AKAP6: variants seen among roughly 807,000 people sequenced by gnomAD.
The protein encoded by AKAP6 is A-kinase anchor protein 6.
In AKAP6, 58 loss-of-function variants were observed where a neutral mutation model predicts 188.5. The ratio of observed to expected loss-of-function variants is 0.31; its 90% CI spans 0.25 to 0.38. AKAP6 has a LOEUF of 0.38. Among genes scored for constraint, AKAP6 ranks in the 10% least tolerant of loss-of-function variants. AKAP6 has a pLI of 1.00. For missense variants in AKAP6, 2,710 were observed against 2,740.0 expected (o/e 0.99, Z 0.24); for synonymous variants, 989 against 998.6 (o/e 0.99, Z 0.18).
rs908866835 is a variant in AKAP6, at chr14:32,814,371, G to A, written c.3589-7031G>A. Among the ~76,000 whole-genome samples, 11 of 152,180 alleles carry A rather than the reference G, an allele frequency of 7.2e-5. No homozygotes were observed. The Middle Eastern group carries it at 0.01, about 141-fold the overall frequency. ...CCAAACATTATCATCACTCCAAAAG[G>A]AAACCCCAAGCCTGTAAAGCAGTTG... On this transcript the variant is annotated intron_variant, in intron 12 of 13. Coordinates refer to ENST00000280979, the MANE Select transcript of AKAP6 (RefSeq NM_004274.5).
chr14:32,472,866 T>C (rs1878856057), intron 2 of AKAP6, among the ~76,000 whole-genome samples: 1 of 151,476 alleles, frequency 6.6e-6, no homozygotes, highest in Non-Finnish European at 1.5e-5. Flanking sequence ...GTCGTGAAAA[T>C]AGAATATAAT....
intron 2 of AKAP6, among the ~76,000 whole-genome samples, chr14:32,507,321 C>T (rs1476481058): frequency 1.3e-5 from 2 of 152,198 alleles, no homozygotes; most frequent in East Asian, 3.8e-4. Flanking sequence ...TACAATTCTT[C>T]CCCTCAAAGA....
intron 12 of AKAP6, among the ~76,000 whole-genome samples, chr14:32,815,893 C>A (rs1039048641): frequency 6.6e-6 from 1 of 152,196 alleles, no homozygotes; most frequent in African/African-American, 2.4e-5. Flanking sequence ...AATGATGGAA[C>A]TGAGGCATAT....
intron 2 of AKAP6, among the ~76,000 whole-genome samples, chr14:32,498,801 A>G (rs1880457600): frequency 6.6e-6 from 1 of 152,156 alleles, no homozygotes; most frequent in Non-Finnish European, 1.5e-5. Flanking sequence ...GCCTCACAAG[A>G]TCTCTCAAGG....
intron 7 of AKAP6, among the ~76,000 whole-genome samples, chr14:32,607,772 C>T (rs1180620514): frequency 6.6e-6 from 1 of 152,152 alleles, no homozygotes; most frequent in Non-Finnish European, 1.5e-5. Context: ...ATCAATTCTA[C>T]CTCTTCTGTG....
chr14:32,695,851 A>G (rs1890380648), intron 8 of AKAP6, 139 bp from the exon 9 acceptor site: 1 of 1,088,074 alleles, frequency 9.2e-7, no homozygotes, highest in East Asian at 3.0e-5. Flanking sequence ...CCCAGTGTGT[A>G]ACAACATAGA....
chr14:32,706,703 C>T (rs1044903010), intron 9 of AKAP6, among the ~76,000 whole-genome samples: 1 of 152,188 alleles, frequency 6.6e-6, no homozygotes, highest in Non-Finnish European at 1.5e-5. Context: ...AAACTAAGCA[C>T]TTCTGTGACA....
At chr14:32,798,699 C>T (rs955222093) in intron 12 of AKAP6, among the ~76,000 whole-genome samples, 1 of 151,878 alleles carries the variant, frequency 6.6e-6, no homozygotes, top group Admixed American at 6.6e-5. Flanking sequence ...AAAAAGGAAA[C>T]AATGGACACT....
At chr14:32,632,532 A>G (rs1039412676) in intron 7 of AKAP6, among the ~76,000 whole-genome samples, 6 of 152,148 alleles carry the variant, frequency 3.9e-5, no homozygotes, top group Non-Finnish European at 2.9e-5. Context: ...AGAATGTTCT[A>G]GTATCAGCAA....
In AKAP6 at chr14:32,480,461, A is replaced by G. The variant is rs564975582; in HGVS notation, c.324+46644A>G. 5.9e-5 allele frequency among the ~76,000 whole-genome samples: 9 copies of G among 152,314 alleles called. No individual in the cohort carries two copies. The East Asian group carries it at 1.4e-3, about 23-fold the overall frequency. On this transcript the variant is annotated intron_variant, in intron 2 of 13. Coordinates refer to ENST00000280979, the MANE Select transcript of AKAP6 (RefSeq NM_004274.5). ...CTTAAAAAGTTGTGCCGTAGTCATG[A>G]TGAAGGTGTCCATTCATGGTCAGTT...
intron 2 of AKAP6, among the ~76,000 whole-genome samples, chr14:32,533,375 G>A (rs570242444): frequency 6.6e-6 from 1 of 152,268 alleles, no homozygotes; most frequent in South Asian, 2.1e-4. Flanking sequence ...TGGCTAAAAG[G>A]CATTGAGGCC....
intron 2 of AKAP6, among the ~76,000 whole-genome samples, chr14:32,444,942 C>T (rs570111443): frequency 4.3e-4 from 66 of 152,284 alleles, no homozygotes; most frequent in African/African-American, 1.5e-3. Context: ...TTCTTGAGTC[C>T]TTCGAGTAAT....
intron 1 of AKAP6, among the ~76,000 whole-genome samples, chr14:32,358,778 C>T (rs1376235391): frequency 1.3e-5 from 2 of 152,124 alleles, no homozygotes; most frequent in Non-Finnish European, 2.9e-5. Context: ...TAAAAGATGC[C>T]TGCATCAGCA....
intron 2 of AKAP6, among the ~76,000 whole-genome samples, chr14:32,470,238 G>A (rs1280542531): frequency 6.6e-6 from 1 of 152,084 alleles, no homozygotes; most frequent in East Asian, 1.9e-4. Context: ...TAGAAATGCA[G>A]GATTCTTGTC....
At chr14:32,507,439 A>C (rs1365743491) in intron 2 of AKAP6, among the ~76,000 whole-genome samples, 2 of 152,246 alleles carry the variant, frequency 1.3e-5, no homozygotes, top group Admixed American at 1.3e-4. Flanking sequence ...ATTTAAAATA[A>C]GGGTGTTGGA....
intron 12 of AKAP6, among the ~76,000 whole-genome samples, chr14:32,807,148 C>G (rs971725936): frequency 1.3e-5 from 2 of 151,660 alleles, no homozygotes; most frequent in African/African-American, 4.8e-5. Flanking sequence ...GAGTTCCAGA[C>G]CAACCTGGGC....
intron 11 of AKAP6, among the ~76,000 whole-genome samples, chr14:32,765,914 TAAAATA>T: frequency 6.6e-6 from 1 of 152,152 alleles, no homozygotes; most frequent in East Asian, 1.9e-4. Context: ...GAGGTTTTCT[TAAAATA>T]ATATTTTCAT....
intron 2 of AKAP6, among the ~76,000 whole-genome samples, chr14:32,461,780 C>A (rs758256808): frequency 5.3e-5 from 8 of 151,958 alleles, no homozygotes; most frequent in Non-Finnish European, 1.0e-4. Context: ...TAATGAACTC[C>A]TCTGAGCTAA....
chr14:32,354,454 T>A (rs1887411025), intron 1 of AKAP6, among the ~76,000 whole-genome samples: 1 of 152,166 alleles, frequency 6.6e-6, no homozygotes. Context: ...TAAAAGATAA[T>A]GCTGATGAAT....
Sources: gnomAD v4.1 joint callset for allele counts (sites outside exome capture counted in the v4.1 genomes callset) on GRCh38, gnomAD v4.1.1 for gene constraint, MANE v1.5 for transcripts, NCBI Gene and HGNC (gene_info 2026-07-23, HGNC 2026-07-21) for gene names.